Variants in TENM3 observed in about 807,000 individuals in gnomAD.
TENM3 encodes teneurin transmembrane protein 3, also known as teneurin-3.
TENM3 carries 63 observed loss-of-function variants against 255.1 expected under a neutral mutation model. The ratio of observed to expected loss-of-function variants is 0.25; its 90% CI spans 0.20 to 0.30. TENM3 has a LOEUF of 0.30. Ranked by LOEUF, TENM3 falls within the 10% of genes least tolerant of loss-of-function variation. TENM3 has a pLI of 1.00. For missense variants in TENM3, 2,929 were observed against 3,461.1 expected (o/e 0.85, Z 3.86); for synonymous variants, 1,306 against 1,322.3 (o/e 0.99, Z 0.27).
At chr4:182,446,975 G>A (rs1399615637) in intron 3 of TENM3, among the ~76,000 whole-genome samples, 1 of 151,784 alleles carries the variant, frequency 6.6e-6, no homozygotes, top group Admixed American at 6.6e-5. Context: ...ATTTGCTTAA[G>A]AGCTTAGAAG....
At chr4:182,489,022 T>G (rs1017912434) in intron 3 of TENM3, among the ~76,000 whole-genome samples, 1 of 152,170 alleles carries the variant, frequency 6.6e-6, no homozygotes. Flanking sequence ...TTTCTACTCT[T>G]CATTTTTAAA....
the TENM3 span, among the ~76,000 whole-genome samples, chr4:182,023,691 G>C: frequency 1.3e-5 from 2 of 152,130 alleles, no homozygotes; most frequent in African/African-American, 4.8e-5. Context: ...TTGCGTGTTT[G>C]TTTTAAACAC....
At chr4:181,822,507 G>A in the TENM3 span, among the ~76,000 whole-genome samples, 1 of 152,090 alleles carries the variant, frequency 6.6e-6, no homozygotes. Context: ...GCTCATATCT[G>A]TTGAACTAGC....
At chr4:181,678,483 C>T in the TENM3 span, among the ~76,000 whole-genome samples, 3 of 152,132 alleles carry the variant, frequency 2.0e-5, no homozygotes, top group South Asian at 6.2e-4. Flanking sequence ...TTCCTCTAAT[C>T]CACAAACTTT....
chr4:182,672,601 G>T (rs1330791688), intron 6 of TENM3, among the ~76,000 whole-genome samples: 1 of 152,166 alleles, frequency 6.6e-6, no homozygotes, highest in Non-Finnish European at 1.5e-5. Context: ...AATCCATTCT[G>T]CCTTAATTTA....
chr4:181,470,120 A>AGAAC, the TENM3 span, among the ~76,000 whole-genome samples: 1 of 21,316 alleles, frequency 4.7e-5, no homozygotes, highest in Non-Finnish European at 2.1e-4. Flanking sequence ...AAAAAAAAAA[A>AGAAC]AAAAACATTA....
the TENM3 span, among the ~76,000 whole-genome samples, chr4:182,057,554 G>A: frequency 6.6e-6 from 1 of 151,752 alleles, no homozygotes; most frequent in Non-Finnish European, 1.5e-5. Context: ...TGGGACTACA[G>A]GCACACCACC....
In TENM3 at chr4:182,245,652, C is replaced by A. The variant is rs567611888; in HGVS notation, c.-76+2176C>A. On this transcript the variant is annotated intron_variant, in intron 1 of 27. Transcript: ENST00000511685. ...TGATGACCGTAGTCCCTGCCAGAAT[C>A]TTTTGGAACCAGTTATCCCAGGATA... Among the ~76,000 whole-genome samples the A allele has an allele frequency of 1.6e-4, 24 of 152,278 alleles. No individual in the cohort carries two copies. In the South Asian group the frequency reaches 4.4e-3, roughly 28 times the overall value.
At chr4:182,678,255 A>G (rs1755814103) in intron 7 of TENM3, among the ~76,000 whole-genome samples, 1 of 152,130 alleles carries the variant, frequency 6.6e-6, no homozygotes, top group Non-Finnish European at 1.5e-5. Flanking sequence ...TATATTAACA[A>G]TCACATTTTA....
intron 4 of TENM3, among the ~76,000 whole-genome samples, chr4:182,608,338 T>C (rs920113982): frequency 6.6e-5 from 10 of 152,184 alleles, no homozygotes; most frequent in African/African-American, 2.4e-4. Context: ...CCAGCAGTCT[T>C]GACCTCCCAT....
intron 4 of TENM3, among the ~76,000 whole-genome samples, chr4:182,620,366 A>G (rs1392148575): frequency 6.6e-6 from 1 of 152,202 alleles, no homozygotes; most frequent in Admixed American, 6.5e-5. Flanking sequence ...TAATCACAAT[A>G]TGCACTTTGG....
intron 1 of TENM3, among the ~76,000 whole-genome samples, chr4:182,318,442 C>A (rs1762869466): frequency 6.6e-6 from 1 of 152,034 alleles, no homozygotes; most frequent in Non-Finnish European, 1.5e-5. Flanking sequence ...GTAATGATGT[C>A]ATTACATCAT....
chr4:181,716,889 G>A, the TENM3 span, among the ~76,000 whole-genome samples: 6 of 152,162 alleles, frequency 3.9e-5, no homozygotes, highest in South Asian at 6.2e-4. Flanking sequence ...CTCTGGGTCC[G>A]CTCCCCCAAT....
the TENM3 span, among the ~76,000 whole-genome samples, chr4:181,932,773 A>G: frequency 1.3e-5 from 2 of 152,232 alleles, no homozygotes; most frequent in African/African-American, 4.8e-5. Context: ...CCAAATGCCC[A>G]TCAATGATAG....
At chr4:182,435,342 A>G (rs936905374) in intron 3 of TENM3, among the ~76,000 whole-genome samples, 3 of 152,198 alleles carry the variant, frequency 2.0e-5, no homozygotes, top group African/African-American at 7.2e-5. Flanking sequence ...ACTGCAGGTG[A>G]ATTTTTTTTC....
rs376436486 is a variant in TENM3, at chr4:182,387,664, G to A, written c.511+40735G>A. On this transcript the variant is annotated intron_variant, in intron 3 of 27. Transcript: ENST00000511685. The stretch of plus-strand genomic sequence containing the variant: ...AGGGAGTCCACGAGCCCACCGGGAG[G>A]AAAGAACAACTCCAGACGCGCTGCC... Among the ~76,000 whole-genome samples, 115 of 152,120 alleles carry A rather than the reference G, an allele frequency of 7.6e-4. 3 individuals are homozygous for A. The South Asian group carries it at 0.023, about 31-fold the overall frequency.
At chr4:181,496,600 A>T in the TENM3 span, among the ~76,000 whole-genome samples, 22 of 152,098 alleles carry the variant, frequency 1.4e-4, no homozygotes, top group East Asian at 5.8e-4. Flanking sequence ...GCTCCTTTTT[A>T]AAAAAAATCA....
the TENM3 span, among the ~76,000 whole-genome samples, chr4:181,803,929 A>C: frequency 1.1e-5 from 1 of 90,462 alleles, no homozygotes; most frequent in Non-Finnish European, 2.3e-5. Context: ...ACTGAGACTT[A>C]TTATCTCAAC....
At chr4:181,637,979 G>T in the TENM3 span, among the ~76,000 whole-genome samples, 2 of 152,100 alleles carry the variant, frequency 1.3e-5, no homozygotes, top group African/African-American at 4.8e-5. Flanking sequence ...CAGTAGAAGG[G>T]GTTTGGACCA....
Sources: allele counts gnomAD v4.1 joint callset (sites outside exome capture counted in the v4.1 genomes callset), GRCh38; gene constraint gnomAD v4.1.1; transcripts MANE v1.5; gene names NCBI Gene and HGNC (gene_info 2026-07-23, HGNC 2026-07-21).